The following DYNC2H1 variants were observed in gnomAD, a reference collection of about 807,000 sequenced individuals.
DYNC2H1 encodes cytoplasmic dynein 2 heavy chain 1.
A neutral mutation model predicts 570.0 loss-of-function variants in DYNC2H1; 410 were observed. The ratio of observed to expected loss-of-function variants is 0.72; its 90% CI spans 0.66 to 0.78. The LOEUF (loss-of-function observed/expected upper bound fraction) is 0.78, where lower values mean the gene tolerates loss of function less well. Ranked by LOEUF, DYNC2H1 falls within the 30% of genes least tolerant of loss-of-function variation. The pLI is 0.00. For synonymous variants in DYNC2H1, 1,688 were observed against 1,677.6 expected, an observed-to-expected ratio of 1.01 and a Z score of -0.15; for missense variants, 4,865 against 5,046.4, an observed-to-expected ratio of 0.96 and a Z score of 1.09.
Position 103,126,913 on chromosome 11 carries a change from C to T in DYNC2H1, c.1857+1618C>T, listed in dbSNP as rs564724037. On this transcript the variant is annotated intron_variant, in intron 12 of 88. Transcript: ENST00000375735. ...TTGGCCTCCCAAAGTGCTGGGATTA[C>T]AGGCGTGAGCCACCGCAGCCGGCCT... Among the ~76,000 whole-genome samples the T allele has an allele frequency of 9.2e-5, 14 of 152,326 alleles. 1 individual carries two copies. The highest frequency in any genetic ancestry group is 8.3e-4 in the South Asian group (4 of 4,830).
At chr11:103,303,393 T>A in intron 76 of DYNC2H1, 140 bp downstream of exon 76, 2 of 833,446 alleles carry the variant, frequency 2.4e-6, no homozygotes, top group Non-Finnish European at 3.4e-6. Context: ...CTCAGAACTG[T>A]GGATATGTTA....
intron 59 of DYNC2H1, among the ~76,000 whole-genome samples, chr11:103,229,788 G>A (rs601535): frequency 0.6 from 90,832 of 151,910 alleles, 27,439 homozygotes; most frequent in Admixed American, 0.69. Flanking sequence ...AGAGTATATG[G>A]GCTGGAACAT....
intron 88 of DYNC2H1, among the ~76,000 whole-genome samples, chr11:103,475,581 A>T (rs1437908939): frequency 6.6e-6 from 1 of 152,146 alleles, no homozygotes; most frequent in African/African-American, 2.4e-5. Context: ...TAACTTTTTT[A>T]CAGAAGTAAC....
chr11:103,311,151 T>C (rs546260505), intron 78 of DYNC2H1, among the ~76,000 whole-genome samples: 1 of 152,306 alleles, frequency 6.6e-6, no homozygotes, highest in East Asian at 1.9e-4. Flanking sequence ...AAATATTTTA[T>C]TTTTAAAACA....
chr11:103,214,853 G>C (rs909067788), intron 54 of DYNC2H1, among the ~76,000 whole-genome samples: 2 of 149,430 alleles, frequency 1.3e-5, no homozygotes, highest in East Asian at 4.0e-4. Context: ...TTGCCTTGTA[G>C]AGGTCTTTCC....
chr11:103,414,089 G>A (rs556024650), intron 84 of DYNC2H1, among the ~76,000 whole-genome samples: 1 of 152,158 alleles, frequency 6.6e-6, no homozygotes, highest in East Asian at 1.9e-4. Context: ...AAAAATGAAA[G>A]TACCAAAGAG....
At chr11:103,338,549 A>G (rs1939276865) in intron 82 of DYNC2H1, among the ~76,000 whole-genome samples, 1 of 152,174 alleles carries the variant, frequency 6.6e-6, no homozygotes, top group Admixed American at 6.5e-5. Context: ...GTGTATGTTC[A>G]TATAGCCTCT....
chr11:103,369,289 C>T lies in DYNC2H1; in HGVS notation c.12156+10930C>T, dbSNP rs1478672973. 6.6e-6 allele frequency among the ~76,000 whole-genome samples: 1 copy of T among 152,156 alleles called. No homozygotes were observed. Among genetic ancestry groups the T allele is most frequent in the Non-Finnish European group, 1.5e-5 (1 of 68,032 alleles). On this transcript the variant is annotated intron_variant, in intron 83 of 88. Transcript: ENST00000375735. This position sits in a 1 kb window ranked among gnomAD's most constrained non-coding sequence, Gnocchi z 4.0. ...ACCAGCCCTAACCAGAGAGGATTCC[C>T]AGATGCTGGCGGCAGGAACCTGAGT...
intron 83 of DYNC2H1, among the ~76,000 whole-genome samples, chr11:103,362,645 T>C (rs747495307): frequency 1.4e-4 from 22 of 152,336 alleles, no homozygotes; most frequent in Non-Finnish European, 2.8e-4. Context: ...CTTTGTTTTC[T>C]TTGACTTGCC....
At chr11:103,374,230 A>G (rs1422042016) in intron 83 of DYNC2H1, among the ~76,000 whole-genome samples, 1 of 152,178 alleles carries the variant, frequency 6.6e-6, no homozygotes, top group Non-Finnish European at 1.5e-5. Flanking sequence ...ACCCAGTGAG[A>G]GGTGATTGAA....
At chr11:103,365,668 G>A (rs1200691234) in intron 83 of DYNC2H1, among the ~76,000 whole-genome samples, 1 of 152,168 alleles carries the variant, frequency 6.6e-6, no homozygotes, top group African/African-American at 2.4e-5. Flanking sequence ...AAGCTAAGTA[G>A]ATATAGCACT....
At position 103,446,564 on chromosome 11, in the gene DYNC2H1, T is replaced by C. The variant is rs1213284939; in HGVS notation, c.12457-8622T>C. Among the ~76,000 whole-genome samples, 3 of 152,146 alleles carry C rather than the reference T, an allele frequency of 2.0e-5. No individual in the cohort carries two copies. The highest frequency in any genetic ancestry group is 4.4e-5 in the Non-Finnish European group (3 of 68,016). ...GTTTAAAAAAGAATAAGGGGTGAAGTTGAGACAGCAAATATAGACAGTTTT... is the reference window on the plus strand; with the variant it reads ...GTTTAAAAAAGAATAAGGGGTGAAGCTGAGACAGCAAATATAGACAGTTTT... On this transcript the variant is annotated intron_variant, in intron 85 of 88. Transcript: ENST00000375735. This position sits in a 1 kb window ranked among gnomAD's most constrained non-coding sequence, Gnocchi z 4.5.
At chr11:103,410,446 G>A (rs1212224550) in intron 84 of DYNC2H1, among the ~76,000 whole-genome samples, 1 of 151,996 alleles carries the variant, frequency 6.6e-6, no homozygotes, top group Admixed American at 6.6e-5. Flanking sequence ...TGAAGATGGC[G>A]GTATATAGGC....
chr11:103,119,186 G>A (rs1034135146), intron 6 of DYNC2H1, among the ~76,000 whole-genome samples: 1 of 152,094 alleles, frequency 6.6e-6, no homozygotes, highest in Non-Finnish European at 1.5e-5. Context: ...AATGTTTTTT[G>A]ATAGTGTCAT....
At chr11:103,124,984 T>TC in intron 11 of DYNC2H1, 116 bp from the exon 12 acceptor site, 1 of 718,504 alleles carries the variant, frequency 1.4e-6, no homozygotes, top group East Asian at 3.1e-5. Flanking sequence ...ATTAAAAAGT[T>TC]TTTTTTTACT....
At chr11:103,231,877 T>A (rs1189067875) in intron 60 of DYNC2H1, among the ~76,000 whole-genome samples, 1 of 151,938 alleles carries the variant, frequency 6.6e-6, no homozygotes, top group Non-Finnish European at 1.5e-5. Flanking sequence ...TGTGTTTCTC[T>A]CTCCCCCTCT....
chr11:103,120,645 A>G, intron 7 of DYNC2H1, 44 bp from the exon 8 acceptor site: 3 of 1,598,784 alleles, frequency 1.9e-6, no homozygotes, highest in Non-Finnish European at 2.6e-6. Flanking sequence ...TTAAAGACAG[A>G]TTTAAAAAAT....
intron 75 of DYNC2H1, among the ~76,000 whole-genome samples, chr11:103,297,112 A>G (rs1265907343): frequency 6.6e-6 from 1 of 152,102 alleles, no homozygotes; most frequent in Non-Finnish European, 1.5e-5. Context: ...TGATGCTTAT[A>G]TCTCTTATTT....
At chr11:103,276,628 G>A (rs1001734443) in intron 70 of DYNC2H1, among the ~76,000 whole-genome samples, 4 of 151,830 alleles carry the variant, frequency 2.6e-5, no homozygotes, top group African/African-American at 7.3e-5. Context: ...TTAAAATTTT[G>A]CTATTTTAAT....
Sources: allele counts gnomAD v4.1 joint callset (sites outside exome capture counted in the v4.1 genomes callset), GRCh38; gene constraint gnomAD v4.1.1; non-coding constraint Gnocchi (gnomAD v3.1); transcripts MANE v1.5; gene names NCBI Gene and HGNC (gene_info 2026-07-23, HGNC 2026-07-21).